The following MCF2L variants were observed in gnomAD, a reference collection of about 807,000 sequenced individuals.
MCF2L encodes the protein guanine nucleotide exchange factor DBS.
In MCF2L, 97 loss-of-function variants were observed where a neutral mutation model predicts 153.4. The ratio of observed to expected loss-of-function variants is 0.63; its 90% confidence interval spans 0.54 to 0.75. The LOEUF is 0.75. MCF2L is among the 30% of genes least tolerant of loss of function. The probability of loss-of-function intolerance (pLI) is 0.00; values close to 1 mark genes in which losing one functional copy is unlikely to be tolerated. For missense variants in MCF2L, 1,347 were observed against 1,495.2 expected (o/e 0.90, Z 1.64); for synonymous variants, 659 against 632.2 (o/e 1.04, Z -0.64).
At chr13:113,050,422 A>G (rs531230653) in intron 4 of MCF2L, among the ~76,000 whole-genome samples, 1 of 151,644 alleles carries the variant, frequency 6.6e-6, no homozygotes, top group South Asian at 2.1e-4. Context: ...GGCTGGAGAA[A>G]GTGAATCTGA....
At chr13:112,971,654 T>C (rs570836870) in intron 1 of MCF2L, among the ~76,000 whole-genome samples, 120 of 152,366 alleles carry the variant, frequency 7.9e-4, no homozygotes, top group Non-Finnish European at 9.1e-4. Flanking sequence ...CTAATCTGCA[T>C]GTAAAGGAGG....
Position 113,096,795 on chromosome 13 carries a change from T to C in MCF2L, c.3314T>C (p.Val1105Ala). The change falls in exon 30 of 30, where the codon GTG becomes GCG. Residue 1105 changes from valine (V) to alanine (A), a missense_variant. Val to Ala is a moderately conservative substitution (Grantham distance 64). This residue lies in a region of MCF2L where 383 missense variants were observed against 335.4 expected (regional missense o/e 1.14). Coordinates refer to ENST00000535094, the MANE Select transcript of MCF2L (RefSeq NM_001112732.3). ...GCAGAGTCGAGCCCGGGGTCGGCCG[T>C]GCTGAGCAACTCGTCCAGCTGCAGC... ...SSSESSPGSA[V>A]LSNSSSCSEG... The C allele has an allele frequency of 1.9e-6, 3 of 1,562,338 alleles. No individual in the cohort carries two copies. The highest frequency in any genetic ancestry group is 2.6e-6 in the Non-Finnish European group (3 of 1,164,204).
chr13:113,076,208 G>A (rs778711288), intron 12 of MCF2L, 51 bp downstream of exon 12: 10 of 1,336,262 alleles, frequency 7.5e-6, no homozygotes, highest in Non-Finnish European at 1.0e-5. Context: ...CGAGCAGTGA[G>A]GCATTCCTCT....
intron 1 of MCF2L, among the ~76,000 whole-genome samples, chr13:112,971,441 C>T (rs560904438): frequency 1.3e-5 from 2 of 152,040 alleles, no homozygotes; most frequent in Non-Finnish European, 2.9e-5. Context: ...AGGGCAGTGG[C>T]GGGGCTAGGT....
At chr13:112,906,426 C>G (rs1256216353) in intron 2 of MCF2L, among the ~76,000 whole-genome samples, 1 of 152,234 alleles carries the variant, frequency 6.6e-6, no homozygotes, top group Non-Finnish European at 1.5e-5. Context: ...CGCTCACCCT[C>G]TGCAGGGCCT....
At chr13:113,062,687 G>A (rs551311903) in intron 5 of MCF2L, among the ~76,000 whole-genome samples, 163 of 152,266 alleles carry the variant, frequency 1.1e-3, no homozygotes, top group African/African-American at 2.9e-3. Flanking sequence ...GTGTGTGTCC[G>A]TGTTTCAGTG....
chr13:112,895,891 G>T (rs1432387932), intron 1 of MCF2L, among the ~76,000 whole-genome samples: 2 of 152,166 alleles, frequency 1.3e-5, no homozygotes, highest in African/African-American at 4.8e-5. Context: ...ACCGGGCTGT[G>T]TAGGGGCCCA....
chr13:113,032,157 A>G (rs535200639), intron 3 of MCF2L, among the ~76,000 whole-genome samples: 31 of 152,274 alleles, frequency 2.0e-4, no homozygotes, highest in African/African-American at 7.5e-4. Context: ...ACCTGGAGCC[A>G]ACTCGGTTTG....
intron 2 of MCF2L, among the ~76,000 whole-genome samples, chr13:112,936,477 T>C (rs2081516426): frequency 6.6e-6 from 1 of 152,096 alleles, no homozygotes; most frequent in Admixed American, 6.5e-5. Flanking sequence ...GAGCTTTGGG[T>C]GAAAGGCTTT....
In MCF2L at chr13:113,074,717, C is replaced by G. The variant is rs1048571400; in HGVS notation, c.1116+154C>G. ...GGGGTGGGGGGTGCTGCTGCCTGTA[C>G]CCCTCCCCTCCCACACCCCACCCAC... On this transcript the variant is annotated intron_variant, in intron 10 of 29. Coordinates refer to ENST00000535094, the MANE Select transcript of MCF2L (RefSeq NM_001112732.3). This position sits in a 1 kb window ranked among gnomAD's most constrained non-coding sequence, Gnocchi z 4.2. 6.6e-6 allele frequency among the ~76,000 whole-genome samples: 1 copy of G among 152,000 alleles called. No homozygotes were observed.
chr13:112,909,360 G>A (rs970725553), intron 2 of MCF2L: 16 of 774,156 alleles, frequency 2.1e-5, no homozygotes, highest in African/African-American at 1.4e-4. Context: ...CGGCCTCCCC[G>A]CCCAGCATGG....
Position 113,027,218 on chromosome 13 carries a change from G to A in MCF2L, c.278+2460G>A, listed in dbSNP as rs1375149107. ...CAACAGCGCACTGGGCCTGGTAACT[G>A]AGAGCTCAGCCCGTCGGCCTGACCT... is the stretch of plus-strand genomic sequence containing the variant. On this transcript the variant is annotated intron_variant, in intron 3 of 29. Transcript: ENST00000535094. This position sits in a 1 kb window ranked among gnomAD's most constrained non-coding sequence, Gnocchi z 4.8. 3 of 601,822 alleles carry A rather than the reference G, an allele frequency of 5.0e-6. No individual in the cohort carries two copies. The highest frequency in any genetic ancestry group is 9.1e-6 in the Non-Finnish European group (3 of 331,156). The allele number at this position is 601,822 out of a possible 1,614,324, so 37.3% of individuals were successfully genotyped here.
upstream of MCF2L, among the ~76,000 whole-genome samples, chr13:112,968,144 G>GGC (rs1555355460): frequency 2.1e-5 from 3 of 146,292 alleles, no homozygotes; most frequent in East Asian, 2.1e-4. Flanking sequence ...GAGTGAGGTG[G>GGC]GGGGGGGGGT....
rs1218206992 is a variant in MCF2L, at chr13:113,074,820, C to T, written c.1117-178C>T. Among the ~76,000 whole-genome samples the T allele has an allele frequency of 6.6e-6, 1 of 152,100 alleles. No homozygotes were observed. Among genetic ancestry groups the T allele is most frequent in the Admixed American group, 6.5e-5 (1 of 15,284 alleles). On this transcript the variant is annotated intron_variant, in intron 10 of 29. Transcript: ENST00000535094. The surrounding 1 kb of genome is among the most constrained non-coding windows in gnomAD (Gnocchi z 4.2). The stretch of plus-strand genomic sequence containing the variant: ...TGCCTTTGCTGGGACCACCACAGCC[C>T]CCAGAAGCACTTGCCACAGAACAGC...
At chr13:112,984,240 C>CA (rs1555358818) in intron 1 of MCF2L, among the ~76,000 whole-genome samples, 1 of 146,962 alleles carries the variant, frequency 6.8e-6, no homozygotes, top group Non-Finnish European at 1.5e-5. Flanking sequence ...AGAAATTCTC[C>CA]TTTTTTTTTT....
At chr13:113,081,419 G>C in intron 16 of MCF2L, 140 bp downstream of exon 16, 1 of 824,266 alleles carries the variant, frequency 1.2e-6, no homozygotes, top group East Asian at 2.8e-5. Context: ...CAGCCTGGTC[G>C]GGCCCCAGAC....
At chr13:113,011,584 T>C (rs1399780356) in intron 1 of MCF2L, among the ~76,000 whole-genome samples, 1 of 129,990 alleles carries the variant, frequency 7.7e-6, no homozygotes, top group South Asian at 2.7e-4. Context: ...AGTGGACAGG[T>C]GGTGTGGACG....
intron 2 of MCF2L, among the ~76,000 whole-genome samples, chr13:112,926,545 G>T (rs1037793097): frequency 2.2e-5 from 3 of 134,318 alleles, no homozygotes; most frequent in East Asian, 2.2e-4. Context: ...ACATGCACAG[G>T]GGGGTGCTGT....
intron 1 of MCF2L, among the ~76,000 whole-genome samples, chr13:112,971,841 TCTC>T (rs2082048479): frequency 6.6e-6 from 1 of 152,234 alleles, no homozygotes; most frequent in East Asian, 1.9e-4. Context: ...GTTTTGGTTT[TCTC>T]TTTGGAATTT....
Sources: gnomAD v4.1 joint callset for allele counts (sites outside exome capture counted in the v4.1 genomes callset) on GRCh38, gnomAD v4.1.1 for gene constraint, gnomAD v4.1.1 regional missense constraint, Gnocchi (gnomAD v3.1) non-coding constraint, MANE v1.5 for transcripts, NCBI Gene and HGNC (gene_info 2026-07-23, HGNC 2026-07-21) for gene names.